Variants in SSBP3 observed in about 807,000 individuals in gnomAD.
SSBP3 encodes the protein single-stranded DNA-binding protein 3.
In SSBP3, 5 loss-of-function variants were observed where a neutral mutation model predicts 69.6. That is an observed-to-expected ratio of 0.07 (90% CI 0.04 to 0.15). The LOEUF is 0.15. Ranked by LOEUF, SSBP3 falls within the 10% of genes least tolerant of loss-of-function variation. The pLI is 1.00. For synonymous variants in SSBP3, 196 were observed against 193.4 expected (o/e 1.01, Z -0.11); for missense variants, 312 against 534.0 (o/e 0.58, Z 4.10).
chr1:54,313,020 C>CTTTT (rs534805502), intron 4 of SSBP3, among the ~76,000 whole-genome samples: 1 of 121,354 alleles, frequency 8.2e-6, no homozygotes, highest in East Asian at 2.5e-4. Flanking sequence ...GTGCCTGGAG[C>CTTTT]TTTTTTTTTT....
intron 13 of SSBP3, among the ~76,000 whole-genome samples, chr1:54,240,069 TGTGTGTGTGTGTGTGTGTGC>T (rs1262203163): frequency 8.6e-4 from 22 of 25,620 alleles, no homozygotes; most frequent in East Asian, 4.1e-3. Context: ...TGTGTGTGTG[TGTGTGTGTGTGTGTGTGTGC>T]GCGCGCGCGC....
At chr1:54,240,953 G>T in exon 13 of SSBP3, 1 of 1,609,854 alleles carries the variant, frequency 6.2e-7, no homozygotes, top group Non-Finnish European at 8.5e-7. Flanking sequence ...CCACCACCAG[G>T]GGGTCCCTAA....
chr1:54,371,747 C>T (rs766329815), intron 4 of SSBP3, among the ~76,000 whole-genome samples: 2 of 152,196 alleles, frequency 1.3e-5, no homozygotes, highest in Non-Finnish European at 2.9e-5. Context: ...ACCGTGCCCA[C>T]GTTTTATCTA....
At chr1:54,316,137 G>C (rs1048872364) in intron 4 of SSBP3, among the ~76,000 whole-genome samples, 1 of 151,490 alleles carries the variant, frequency 6.6e-6, no homozygotes, top group African/African-American at 2.4e-5. Flanking sequence ...AAGGTCAGAA[G>C]ATCAAGACCA....
rs1288439618 is a variant in SSBP3 at position 54,260,140 on chromosome 1, G to GT, written c.367-1992dup. 6.6e-5 allele frequency among the ~76,000 whole-genome samples: 10 copies of GT among 152,176 alleles called. No homozygotes were observed. The South Asian group carries it at 8.3e-4, about 13-fold the overall frequency. ...TGCACCTGCAAGTCTTTTGTACCAC[G>GT]TAACTTGGGTGTAATGTAAACAAAA... On this transcript the variant is annotated intron_variant, in intron 5 of 17. Transcript: ENST00000610401.
At chr1:54,345,039 G>C (rs923276020) in intron 4 of SSBP3, among the ~76,000 whole-genome samples, 3 of 152,052 alleles carry the variant, frequency 2.0e-5, no homozygotes. Context: ...CAATACAATG[G>C]CTACAAATGC....
At chr1:54,236,095 A>G (rs994267016) in intron 14 of SSBP3, among the ~76,000 whole-genome samples, 2 of 151,252 alleles carry the variant, frequency 1.3e-5, no homozygotes, top group African/African-American at 2.4e-5. Flanking sequence ...ATACATTTCT[A>G]TTTTATTTTT....
chr1:54,277,158 C>T (rs1400045228), intron 5 of SSBP3, among the ~76,000 whole-genome samples: 1 of 151,884 alleles, frequency 6.6e-6, no homozygotes, highest in Non-Finnish European at 1.5e-5. Context: ...GAAGCTTGGA[C>T]TACATCAGGG....
At chr1:54,342,325 C>T (rs532022014) in intron 4 of SSBP3, among the ~76,000 whole-genome samples, 103 of 152,344 alleles carry the variant, frequency 6.8e-4, no homozygotes, top group Admixed American at 1.9e-3. Context: ...GGCCTTCTTA[C>T]GGTCAGGTTA....
At chr1:54,316,299 C>T (rs1013174878) in intron 4 of SSBP3, among the ~76,000 whole-genome samples, 10 of 151,004 alleles carry the variant, frequency 6.6e-5, no homozygotes, top group African/African-American at 1.2e-4. Context: ...GCCAAGATCG[C>T]GCCACCGCAC....
intron 5 of SSBP3, among the ~76,000 whole-genome samples, chr1:54,270,812 A>G (rs549233734): frequency 1.3e-5 from 2 of 152,304 alleles, no homozygotes; most frequent in East Asian, 1.9e-4. Flanking sequence ...GTCAAGGCCT[A>G]TCATCGCCCC....
intron 4 of SSBP3, among the ~76,000 whole-genome samples, chr1:54,326,036 G>A (rs1048322281): frequency 4.0e-5 from 6 of 149,782 alleles, no homozygotes; most frequent in African/African-American, 7.3e-5. Context: ...CACAGGGGCC[G>A]AGGTATAGGA....
intron 4 of SSBP3, among the ~76,000 whole-genome samples, chr1:54,367,324 G>A (rs1333494339): frequency 6.6e-6 from 1 of 152,190 alleles, no homozygotes; most frequent in African/African-American, 2.4e-5. Flanking sequence ...GGCAATAAAA[G>A]CAGAGACAGA....
chr1:54,269,476 C>T lies in SSBP3; in HGVS notation c.367-11327G>A, dbSNP rs113407435. 1.1e-3 allele frequency among the ~76,000 whole-genome samples: 160 copies of T among 152,296 alleles called. 2 individuals are homozygous for T. The highest frequency in any genetic ancestry group is 4.8e-3 in the South Asian group (23 of 4,816). On this transcript the variant is annotated intron_variant, in intron 5 of 17. Transcript: ENST00000610401. Reference sequence around the variant, plus strand: ...CTGCTTCCCAAAACAGACCGAAGTTCCTAAGCTCTTGGACCTTTTCTACAG... The same window carrying T: ...CTGCTTCCCAAAACAGACCGAAGTTTCTAAGCTCTTGGACCTTTTCTACAG...
intron 10 of SSBP3, among the ~76,000 whole-genome samples, chr1:54,242,454 A>C (rs1462232847): frequency 1.3e-5 from 2 of 152,158 alleles, no homozygotes; most frequent in Non-Finnish European, 2.9e-5. Flanking sequence ...AAATATGTGA[A>C]ATTCCCTTTG....
intron 4 of SSBP3, among the ~76,000 whole-genome samples, chr1:54,361,257 C>G (rs1441034283): frequency 6.6e-6 from 1 of 152,126 alleles, no homozygotes; most frequent in Non-Finnish European, 1.5e-5. Flanking sequence ...ATAATCAAGA[C>G]CAGTTCACAA....
chr1:54,251,969 T>C, intron 7 of SSBP3, 109 bp from the exon 8 acceptor site: 1 of 914,080 alleles, frequency 1.1e-6, no homozygotes, highest in Non-Finnish European at 1.7e-6. Flanking sequence ...GTGGAGCCAC[T>C]CATGGCCTCC....
chr1:54,235,639 G>A (rs573906458), intron 14 of SSBP3, among the ~76,000 whole-genome samples: 2 of 151,810 alleles, frequency 1.3e-5, no homozygotes, highest in East Asian at 3.9e-4. Context: ...TTTTAGTAGA[G>A]ACGGGGTTTC....
upstream of SSBP3, among the ~76,000 whole-genome samples, chr1:54,406,650 C>T (rs927216133): frequency 6.6e-6 from 1 of 151,938 alleles, no homozygotes. Context: ...CGGTGGGCGA[C>T]GTGGATCGGG....
Sources: allele counts gnomAD v4.1 joint callset (sites outside exome capture counted in the v4.1 genomes callset), GRCh38; gene constraint gnomAD v4.1.1; transcripts MANE v1.5; gene names NCBI Gene and HGNC (gene_info 2026-07-23, HGNC 2026-07-21).